CMSS1: variants seen among roughly 807,000 people sequenced by gnomAD.
CMSS1 encodes the protein cms1 ribosomal small subunit homolog.
Under a neutral mutation model 43.5 loss-of-function variants are expected in CMSS1, and 33 were observed. The observed-to-expected ratio is 0.76, with a 90% CI of 0.57 to 1.01. The LOEUF (loss-of-function observed/expected upper bound fraction) is 1.01. Among genes scored for constraint, CMSS1 ranks in the 50% least tolerant of loss-of-function variants. CMSS1 has a pLI of 0.00. For missense variants in CMSS1, 313 were observed against 326.4 expected (o/e 0.96, Z 0.32); for synonymous variants, 115 against 117.2 (o/e 0.98, Z 0.12).
rs752698847 is a variant in CMSS1, at chr3:100,172,359, TG to T, written c.626del (p.Gly209ValfsTer2). 1 of 1,613,906 alleles carries T rather than the reference TG, an allele frequency of 6.2e-7. No individual in the cohort carries two copies. Among genetic ancestry groups the T allele is most frequent in the East Asian group, 2.2e-5 (1 of 44,886 alleles). ...VKLLEKRVVH[L>X]GVGTPGRIKE... ...TTGCTGGAGAAGCGTGTGGTGCACC[TG>T]GGTGTAGGAACTCCGGGGAGAATTA... On this transcript the variant is annotated frameshift_variant, in exon 8 of 10. Transcript: ENST00000421999. LOFTEE classifies it high-confidence loss of function.
intron 2 of CMSS1, among the ~76,000 whole-genome samples, chr3:100,150,650 C>T (rs974962380): frequency 6.6e-6 from 1 of 152,198 alleles, no homozygotes; most frequent in African/African-American, 2.4e-5. Context: ...TACCTCATCT[C>T]TAGCAACCAT....
chr3:99,937,634 T>C (rs2107671852), intron 1 of CMSS1, among the ~76,000 whole-genome samples: 1 of 152,298 alleles, frequency 6.6e-6, no homozygotes, highest in East Asian at 1.9e-4. Flanking sequence ...AGGGCCCCTG[T>C]TGTTAATGTG....
chr3:99,867,507 C>T (rs1944580790), intron 1 of CMSS1, among the ~76,000 whole-genome samples: 1 of 152,088 alleles, frequency 6.6e-6, no homozygotes. Flanking sequence ...AAGCAGAACC[C>T]CAGGTATTAA....
intron 8 of CMSS1, among the ~76,000 whole-genome samples, chr3:100,174,270 G>T (rs1165459514): frequency 6.6e-6 from 1 of 152,130 alleles, no homozygotes; most frequent in Non-Finnish European, 1.5e-5. Flanking sequence ...GGACTCTCAG[G>T]TTGGTTCCTG....
intron 1 of CMSS1, among the ~76,000 whole-genome samples, chr3:99,876,768 T>A (rs1705546990): frequency 6.6e-6 from 1 of 152,188 alleles, no homozygotes; most frequent in Admixed American, 6.5e-5. Flanking sequence ...GATGAAATCT[T>A]ATTTTTTTCA....
chr3:100,103,168 CTG>C (rs2066337707), intron 1 of CMSS1, among the ~76,000 whole-genome samples: 1 of 152,180 alleles, frequency 6.6e-6, no homozygotes, highest in Non-Finnish European at 1.5e-5. Flanking sequence ...TAATAGGAAA[CTG>C]GTGATTTGAA....
At chr3:99,983,440 A>G (rs1403184709) in intron 1 of CMSS1, among the ~76,000 whole-genome samples, 69 of 37,864 alleles carry the variant, frequency 1.8e-3, no homozygotes, top group Non-Finnish European at 3.2e-3. Context: ...ATGTATATAT[A>G]TGTATGTATA....
chr3:99,951,628 A>G (rs1273561100), intron 1 of CMSS1, among the ~76,000 whole-genome samples: 1 of 151,770 alleles, frequency 6.6e-6, no homozygotes. Flanking sequence ...CTGCCTGACC[A>G]CCTCCCCCAC....
intron 1 of CMSS1, among the ~76,000 whole-genome samples, chr3:100,047,811 C>G (rs1401416879): frequency 2.0e-5 from 3 of 151,868 alleles, no homozygotes; most frequent in African/African-American, 7.3e-5. Flanking sequence ...GGCCTCACTG[C>G]TCTCCCCAGA....
intron 1 of CMSS1, among the ~76,000 whole-genome samples, chr3:99,990,963 G>A (rs574410079): frequency 6.6e-6 from 1 of 152,078 alleles, no homozygotes; most frequent in African/African-American, 2.4e-5. Flanking sequence ...GGAAATAAAA[G>A]TCTCTGCCTT....
intron 1 of CMSS1, among the ~76,000 whole-genome samples, chr3:99,975,542 A>C (rs1708944990): frequency 6.6e-6 from 1 of 151,972 alleles, no homozygotes; most frequent in Admixed American, 6.6e-5. Flanking sequence ...CAGTGAGCCG[A>C]GGTCACACCA....
At chr3:99,818,093 C>T (rs1718240) in intron 1 of CMSS1, 50 bp downstream of exon 1, 606,870 of 1,569,680 alleles carry the variant, frequency 0.39, 122,151 homozygotes, top group East Asian at 0.51. Flanking sequence ...GGAGCCCTTC[C>T]GTGCGCCTCA....
At chr3:100,150,440 A>C (rs2066897054) in intron 2 of CMSS1, among the ~76,000 whole-genome samples, 1 of 152,190 alleles carries the variant, frequency 6.6e-6, no homozygotes, top group South Asian at 2.1e-4. Context: ...CTTGTACAGG[A>C]ACTACTTGGC....
At chr3:100,177,927 T>A (rs2067161204) in intron 9 of CMSS1, among the ~76,000 whole-genome samples, 2 of 152,176 alleles carry the variant, frequency 1.3e-5, no homozygotes, top group Non-Finnish European at 2.9e-5. Flanking sequence ...AAGACCAGAC[T>A]GGCCAACATG....
At chr3:99,985,940 G>A (rs927622062) in intron 1 of CMSS1, among the ~76,000 whole-genome samples, 2 of 152,024 alleles carry the variant, frequency 1.3e-5, no homozygotes, top group Non-Finnish European at 2.9e-5. Flanking sequence ...ACACATTGGG[G>A]GTTAAAGTCA....
intron 1 of CMSS1, among the ~76,000 whole-genome samples, chr3:99,915,286 A>T (rs1706917265): frequency 6.6e-6 from 1 of 152,144 alleles, no homozygotes. Context: ...CATTTCATTC[A>T]CTCATTCAAA....
rs9829563 is a variant in CMSS1 at position 100,151,701 on chromosome 3, C to G, written c.153+4640C>G. 3.3e-3 allele frequency among the ~76,000 whole-genome samples: 501 copies of G among 152,242 alleles called. 3 individuals carry two copies. Among genetic ancestry groups the G allele is most frequent in the African/African-American group, 0.011 (465 of 41,532 alleles). The stretch of plus-strand genomic sequence containing the variant: ...CAAAGGAATATGAGTACCGGGAGAT[C>G]GAGATCATGAGGAGCTATCCTGGAA... On this transcript the variant is annotated intron_variant, in intron 2 of 9. Coordinates refer to ENST00000421999, the MANE Select transcript of CMSS1 (RefSeq NM_032359.4).
At chr3:100,131,419 A>C (rs1419184107) in intron 1 of CMSS1, among the ~76,000 whole-genome samples, 1 of 152,196 alleles carries the variant, frequency 6.6e-6, no homozygotes, top group African/African-American at 2.4e-5. Flanking sequence ...CAACAACTTC[A>C]CTTTATATTT....
chr3:100,109,087 T>TA (rs5851196), intron 1 of CMSS1, among the ~76,000 whole-genome samples: 310 of 144,878 alleles, frequency 2.1e-3, no homozygotes, highest in Middle Eastern at 7.0e-3. Context: ...AACTGTCTCT[T>TA]AAAAAAAAAA....
Sources: gnomAD v4.1 joint callset for allele counts (sites outside exome capture counted in the v4.1 genomes callset) on GRCh38, gnomAD v4.1.1 for gene constraint, MANE v1.5 for transcripts, NCBI Gene and HGNC (gene_info 2026-07-23, HGNC 2026-07-21) for gene names.